The following DYNC2I1 variants were observed in gnomAD, a reference collection of about 807,000 sequenced individuals.
The protein encoded by DYNC2I1 is cytoplasmic dynein 2 intermediate chain 1.
In DYNC2I1, 89 loss-of-function variants were observed where a neutral mutation model predicts 133.4. The observed-to-expected ratio is 0.67, with a 90% confidence interval of 0.56 to 0.80. The LOEUF (loss-of-function observed/expected upper bound fraction) is 0.80, where lower values mean the gene tolerates loss of function less well. Ranked by LOEUF, DYNC2I1 falls within the 30% of genes least tolerant of loss-of-function variation. The probability of loss-of-function intolerance (pLI) is 0.00; values close to 1 mark genes in which losing one functional copy is unlikely to be tolerated. For synonymous variants in DYNC2I1, 504 were observed against 484.3 expected (o/e 1.04, Z -0.54); for missense variants, 1,291 against 1,314.5 (o/e 0.98, Z 0.28).
chr7:158,857,283 T>C (rs947738611), intron 1 of DYNC2I1, among the ~76,000 whole-genome samples: 7 of 152,170 alleles, frequency 4.6e-5, no homozygotes, highest in African/African-American at 1.4e-4. Flanking sequence ...AGCAACATTA[T>C]AGGGTGTTTA....
chr7:158,850,642 C>T, the DYNC2I1 span, among the ~76,000 whole-genome samples: 1 of 152,154 alleles, frequency 6.6e-6, no homozygotes, highest in Non-Finnish European at 1.5e-5. Context: ...ACTTCATAGC[C>T]CTCTGTGGAG....
intron 4 of DYNC2I1, among the ~76,000 whole-genome samples, chr7:158,877,358 G>A (rs1179660674): frequency 6.6e-6 from 1 of 152,208 alleles, no homozygotes; most frequent in African/African-American, 2.4e-5. Flanking sequence ...TGGACACTTA[G>A]GTTGTTTCTG....
At chr7:158,857,396 G>A (rs76246461) in intron 1 of DYNC2I1, among the ~76,000 whole-genome samples, 9,515 of 152,106 alleles carry the variant, frequency 0.063, 389 homozygotes, top group African/African-American at 0.11. Context: ...CTTATCTATT[G>A]ATTCCCCACT....
intron 9 of DYNC2I1, 36 bp downstream of exon 9, chr7:158,901,852 A>C: frequency 7.0e-7 from 1 of 1,424,932 alleles, no homozygotes; most frequent in Non-Finnish European, 9.5e-7. Flanking sequence ...TTAGCTTAAA[A>C]ATCATTTATT....
intron 5 of DYNC2I1, among the ~76,000 whole-genome samples, chr7:158,883,655 C>T (rs1333611161): frequency 1.2e-4 from 16 of 136,064 alleles, no homozygotes; most frequent in African/African-American, 4.6e-4. Flanking sequence ...TGACCAGTGA[C>T]TTCTTTTTTT....
chr7:158,894,169 C>G (rs1241545163), intron 8 of DYNC2I1, among the ~76,000 whole-genome samples: 1 of 25,350 alleles, frequency 3.9e-5, no homozygotes, highest in Non-Finnish European at 1.0e-4. Flanking sequence ...CATCATAATG[C>G]ATGTCACACT....
At chr7:158,931,840 C>T (rs1197529713) in intron 21 of DYNC2I1, among the ~76,000 whole-genome samples, 5 of 152,186 alleles carry the variant, frequency 3.3e-5, no homozygotes, top group African/African-American at 4.8e-5. Flanking sequence ...GAGAAGGAGG[C>T]GGATGAGTAA....
At chr7:158,843,744 G>C in the DYNC2I1 span, among the ~76,000 whole-genome samples, 1 of 152,140 alleles carries the variant, frequency 6.6e-6, no homozygotes, top group Admixed American at 6.5e-5. Context: ...AAACGTGACA[G>C]AGGCATATCT....
chr7:158,922,271 G>A (rs1849175330), intron 15 of DYNC2I1, 106 bp from the exon 16 acceptor site: 1 of 1,169,470 alleles, frequency 8.6e-7, no homozygotes, highest in Admixed American at 2.4e-5. Context: ...GACCACGTTT[G>A]TTTCTTCATG....
chr7:158,938,281 G>A (rs183263107), intron 23 of DYNC2I1, among the ~76,000 whole-genome samples: 1 of 152,346 alleles, frequency 6.6e-6, no homozygotes, highest in Admixed American at 6.5e-5. Context: ...AGACATCTCA[G>A]TGGAAACCAT....
chr7:158,894,136 C>CGCATATCCTACCGCATATCCTACT (rs1563126421), intron 8 of DYNC2I1, among the ~76,000 whole-genome samples: 14 of 76,096 alleles, frequency 1.8e-4, no homozygotes, highest in African/African-American at 3.8e-4. Flanking sequence ...CATATCATAC[C>CGCATATCCTACCGCATATCCTACT]GCATATCCTA....
Position 158,871,546 on chromosome 7 carries a change from G to A in DYNC2I1, c.474G>A (p.Glu158=). 1 of 1,538,718 alleles carries A rather than the reference G, an allele frequency of 6.5e-7. No individual in the cohort carries two copies. The change falls in exon 3 of 25, where the codon GAG becomes GAA. Residue 158 remains glutamate, a synonymous_variant. Transcript: ENST00000407559. The part of the protein sequence containing the change: ...TRDRQLLERA[E]RKGRSVSKVR... Reference sequence around the variant, plus strand: ...ACCGGCAGCTCCTGGAGCGGGCGGAGAGGAAAGGCCGCTCAGGTGGGTCCC... The same window carrying A: ...ACCGGCAGCTCCTGGAGCGGGCGGAAAGGAAAGGCCGCTCAGGTGGGTCCC...
At chr7:158,849,686 C>T in the DYNC2I1 span, among the ~76,000 whole-genome samples, 10 of 152,314 alleles carry the variant, frequency 6.6e-5, no homozygotes, top group African/African-American at 2.2e-4. Context: ...CAGCTCTCAG[C>T]GGAGAGGAGG....
chr7:158,869,750 A>G, intron 1 of DYNC2I1, 105 bp from the exon 2 acceptor site: 1 of 817,296 alleles, frequency 1.2e-6, no homozygotes, highest in South Asian at 1.8e-5. Flanking sequence ...CTGGCATGTC[A>G]AGAATTAACT....
intron 21 of DYNC2I1, 76 bp downstream of exon 21, chr7:158,930,591 G>T (rs761115788): frequency 2.5e-6 from 3 of 1,209,282 alleles, no homozygotes; most frequent in Non-Finnish European, 1.2e-6. Flanking sequence ...TTGCATATAC[G>T]GTAAATGGTG....
intron 5 of DYNC2I1, among the ~76,000 whole-genome samples, chr7:158,882,361 A>T (rs1242996103): frequency 6.6e-6 from 1 of 152,090 alleles, no homozygotes. Flanking sequence ...AGGTTGGAGG[A>T]TCTGTTGAGC....
chr7:158,952,584 G>A (rs750239602), intron 4 of DYNC2I1, among the ~76,000 whole-genome samples: 4 of 152,116 alleles, frequency 2.6e-5, no homozygotes, highest in Admixed American at 6.5e-5. Context: ...TATCCTAAGG[G>A]AATAAGAAGG....
At chr7:158,913,791 C>T (rs1306260798) in intron 13 of DYNC2I1, among the ~76,000 whole-genome samples, 1 of 152,208 alleles carries the variant, frequency 6.6e-6, no homozygotes, top group African/African-American at 2.4e-5. Flanking sequence ...TCACTGTAAC[C>T]TCCGCCTCTT....
intron 15 of DYNC2I1, among the ~76,000 whole-genome samples, chr7:158,921,656 G>T (rs566693139): frequency 1.3e-5 from 2 of 152,156 alleles, no homozygotes; most frequent in Admixed American, 1.3e-4. Flanking sequence ...AGCATGGATG[G>T]TGTGGGTAGC....
Sources: allele counts gnomAD v4.1 joint callset (sites outside exome capture counted in the v4.1 genomes callset), GRCh38; gene constraint gnomAD v4.1.1; transcripts MANE v1.5; gene names NCBI Gene and HGNC (gene_info 2026-07-23, HGNC 2026-07-21).